CLNK: variants seen among roughly 807,000 people sequenced by gnomAD.
CLNK encodes the protein cytokine dependent hematopoietic cell linker, also known as cytokine-dependent hematopoietic cell linker.
In CLNK, 74 loss-of-function variants were observed where a neutral mutation model predicts 68.6. That is an observed-to-expected ratio of 1.08 (90% CI 0.89 to 1.31). The LOEUF (loss-of-function observed/expected upper bound fraction) is 1.31, where lower values mean the gene tolerates loss of function less well. CLNK is among the 50% of genes most tolerant of loss of function. The pLI is 0.00. For synonymous variants in CLNK, 198 were observed against 172.2 expected, an observed-to-expected ratio of 1.15 and a Z score of -1.17; for missense variants, 553 against 515.3, an observed-to-expected ratio of 1.07 and a Z score of -0.71.
At chr4:10,631,351 C>G (rs145029094) in intron 2 of CLNK, among the ~76,000 whole-genome samples, 1 of 152,112 alleles carries the variant, frequency 6.6e-6, no homozygotes, top group Non-Finnish European at 1.5e-5. Context: ...AGGTGGCACT[C>G]GGTAAGTAGA....
intron 8 of CLNK, among the ~76,000 whole-genome samples, chr4:10,558,154 T>C (rs1372753384): frequency 6.6e-6 from 1 of 152,226 alleles, no homozygotes; most frequent in Non-Finnish European, 1.5e-5. Flanking sequence ...TTCAAAATAA[T>C]TCATTTCCAA....
chr4:10,697,277 T>C, the CLNK span: 1 of 152,180 alleles, frequency 6.6e-6, no homozygotes, highest in Non-Finnish European at 1.5e-5. Context: ...AAGTTACCTA[T>C]GAGGAATTCC....
intron 1 of CLNK, among the ~76,000 whole-genome samples, chr4:10,672,305 C>T (rs1577211370): frequency 6.6e-6 from 1 of 152,174 alleles, no homozygotes; most frequent in African/African-American, 2.4e-5. Flanking sequence ...ATCTGTGAGT[C>T]CATTCTCTGG....
intron 18 of CLNK, among the ~76,000 whole-genome samples, chr4:10,493,795 A>T (rs920982420): frequency 1.6e-4 from 25 of 152,200 alleles, no homozygotes; most frequent in Admixed American, 1.4e-3. Context: ...CTGAGTTCAA[A>T]GCCTGGCTCT....
At chr4:10,707,937 C>T in the CLNK span, among the ~76,000 whole-genome samples, 1 of 152,256 alleles carries the variant, frequency 6.6e-6, no homozygotes, top group South Asian at 2.1e-4. Flanking sequence ...GTCTTAGACC[C>T]AAAATAGTCA....
At chr4:10,728,414 G>T in the CLNK span, among the ~76,000 whole-genome samples, 1 of 151,124 alleles carries the variant, frequency 6.6e-6, no homozygotes, top group Non-Finnish European at 1.5e-5. Flanking sequence ...GTGTGTGTGT[G>T]TAGCTAAAAG....
intron 8 of CLNK, among the ~76,000 whole-genome samples, chr4:10,553,992 G>T (rs546103471): frequency 6.6e-6 from 1 of 152,288 alleles, no homozygotes; most frequent in East Asian, 1.9e-4. Context: ...TATCTGTAAG[G>T]GATGCTGTGC....
rs1560185579 is a variant in CLNK, at chr4:10,490,624, GA to G, written c.1141-12del. On this transcript the variant is annotated splice_polypyrimidine_tract_variant and intron_variant, in intron 18 of 18. Transcript: ENST00000226951. ...TACTGAATCAAACTTCTGAAACACA[GA>G]AAAGAAAGTTAATGACTTTTAAAAT... is the stretch of plus-strand genomic sequence containing the variant. 6.4e-7 allele frequency: 1 copy of G among 1,554,814 alleles called. No homozygotes were observed. Among genetic ancestry groups the G allele is most frequent in the Admixed American group, 2.0e-5 (1 of 51,086 alleles).
intron 18 of CLNK, among the ~76,000 whole-genome samples, chr4:10,498,684 T>A (rs1716913309): frequency 1.3e-5 from 2 of 152,116 alleles, no homozygotes; most frequent in African/African-American, 4.8e-5. Flanking sequence ...TAACTAAAAT[T>A]TATTGTGGGC....
At chr4:10,734,523 C>T in the CLNK span, among the ~76,000 whole-genome samples, 1 of 152,190 alleles carries the variant, frequency 6.6e-6, no homozygotes, top group Non-Finnish European at 1.5e-5. Context: ...GTTGAACAGA[C>T]TCACCATTGA....
the CLNK span, among the ~76,000 whole-genome samples, chr4:10,720,911 A>G: frequency 1.3e-5 from 2 of 152,004 alleles, no homozygotes; most frequent in African/African-American, 4.8e-5. Flanking sequence ...AAAACTGGAA[A>G]CAATGCAAGT....
chr4:10,558,467 G>A lies in CLNK; in HGVS notation c.400-15C>T. The A allele has an allele frequency of 6.2e-7, 1 of 1,612,360 alleles. No homozygotes were observed. The highest frequency in any genetic ancestry group is 1.7e-5 in the Admixed American group (1 of 59,984). On this transcript the variant is annotated splice_polypyrimidine_tract_variant and intron_variant, in intron 7 of 18. Coordinates refer to ENST00000226951, the MANE Select transcript of CLNK (RefSeq NM_052964.4). ...GGTTTGTCCACCTGTACAAGACAAT[G>A]AGGCACCATTATCTCTTCAGTTGTG...
At chr4:10,601,400 C>G (rs1721587157) in intron 2 of CLNK, among the ~76,000 whole-genome samples, 1 of 152,168 alleles carries the variant, frequency 6.6e-6, no homozygotes, top group South Asian at 2.1e-4. Context: ...AAAGAGCCAT[C>G]TACCTAGACA....
intron 17 of CLNK, 107 bp from the exon 18 acceptor site, chr4:10,501,518 G>A (rs1235572314): frequency 1.7e-6 from 2 of 1,177,592 alleles, no homozygotes; most frequent in African/African-American, 1.6e-5. Flanking sequence ...GATGGATTTA[G>A]TTTTTGGTAA....
chr4:10,530,912 G>A (rs1718508098), intron 12 of CLNK, among the ~76,000 whole-genome samples: 1 of 152,122 alleles, frequency 6.6e-6, no homozygotes. Context: ...AGTCCTCAGT[G>A]GAACCAGAAC....
chr4:10,585,008 C>T (rs1720919278), intron 3 of CLNK, 53 bp from the exon 4 acceptor site: 5 of 1,588,108 alleles, frequency 3.1e-6, no homozygotes, highest in Non-Finnish European at 4.3e-6. Context: ...CCTCCACCGA[C>T]CCCCCGCCAC....
At chr4:10,679,481 A>G (rs1417914409) in intron 1 of CLNK, among the ~76,000 whole-genome samples, 2 of 152,238 alleles carry the variant, frequency 1.3e-5, no homozygotes, top group African/African-American at 4.8e-5. Context: ...CTAAAACATC[A>G]AAAGCATGGC....
intron 1 of CLNK, among the ~76,000 whole-genome samples, chr4:10,678,539 A>G (rs1246564279): frequency 1.3e-5 from 2 of 152,184 alleles, no homozygotes; most frequent in East Asian, 3.8e-4. Flanking sequence ...TAGATGAATA[A>G]TAAAAAATAA....
the CLNK span, among the ~76,000 whole-genome samples, chr4:10,721,487 G>T: frequency 6.6e-6 from 1 of 152,158 alleles, no homozygotes; most frequent in Non-Finnish European, 1.5e-5. Context: ...GAGTCATGTT[G>T]TAGTGGAAAG....
Sources: gnomAD v4.1 joint callset for allele counts (sites outside exome capture counted in the v4.1 genomes callset) on GRCh38, gnomAD v4.1.1 for gene constraint, MANE v1.5 for transcripts, NCBI Gene and HGNC (gene_info 2026-07-23, HGNC 2026-07-21) for gene names.